Variants in SRCIN1 observed in about 807,000 individuals in gnomAD.
SRCIN1 encodes the protein P130Cas-associated protein.
In SRCIN1, 50 loss-of-function variants were observed where a neutral mutation model predicts 116.2. The observed-to-expected ratio is 0.43, with a 90% CI of 0.34 to 0.54. SRCIN1 has a LOEUF of 0.54. SRCIN1 is among the 20% of genes least tolerant of loss of function. SRCIN1 has a pLI of 0.02. For synonymous variants in SRCIN1, 736 were observed against 750.0 expected (o/e 0.98, Z 0.30); for missense variants, 1,446 against 1,672.0 (o/e 0.86, Z 2.36).
chr17:38,578,457 C>G, intron 2 of SRCIN1, 33 bp downstream of exon 2: 1 of 1,537,060 alleles, frequency 6.5e-7, no homozygotes, highest in African/African-American at 1.4e-5. Flanking sequence ...TGGCCGCGGC[C>G]GCAGCCGCAG....
chr17:38,572,292 T>C lies in SRCIN1; in HGVS notation c.325-4061A>G, dbSNP rs574422165. Among the ~76,000 whole-genome samples the C allele has an allele frequency of 3.8e-4, 55 of 143,572 alleles. No individual in the cohort carries two copies. The highest frequency in any genetic ancestry group is 1.4e-3 in the African/African-American group (55 of 38,598). The allele number at this position is 143,572 out of a possible 152,430, so 94.2% of individuals were successfully genotyped here. On this transcript the variant is annotated intron_variant, in intron 2 of 18. Coordinates refer to ENST00000617146, the MANE Select transcript of SRCIN1 (RefSeq NM_025248.3). This position sits in a 1 kb window ranked among gnomAD's most constrained non-coding sequence, Gnocchi z 4.3. The stretch of plus-strand genomic sequence containing the variant: ...GCGCCTGCCCCCACCGCGATGTACA[T>C]GCATGACCCTCTCTTCCAGATGTGT...
chr17:38,600,189 G>A (rs1908944247), intron 1 of SRCIN1, among the ~76,000 whole-genome samples: 5 of 152,130 alleles, frequency 3.3e-5, no homozygotes. Context: ...TTTTGTTCCT[G>A]TCTTCAGAGA....
rs897485854 is a variant in SRCIN1, at chr17:38,602,861, CT to C, written c.22+2822del. On this transcript the variant is annotated intron_variant, in intron 1 of 18. Transcript: ENST00000617146. This position sits in a 1 kb window ranked among gnomAD's most constrained non-coding sequence, Gnocchi z 4.2. ...AGGATGACAGACGCCATGAACTGTT[CT>C]TCCTTGAGCCCCAAACTCAGCTCCC... Among the ~76,000 whole-genome samples the C allele has an allele frequency of 6.6e-6, 1 of 152,172 alleles. No homozygotes were observed. The highest frequency in any genetic ancestry group is 6.5e-5 in the Admixed American group (1 of 15,282).
chr17:38,580,265 C>T (rs1400914282), intron 1 of SRCIN1, among the ~76,000 whole-genome samples: 1 of 152,080 alleles, frequency 6.6e-6, no homozygotes, highest in Non-Finnish European at 1.5e-5. Context: ...TCAAGAAAAG[C>T]CACCTGCCCC....
intron 1 of SRCIN1, among the ~76,000 whole-genome samples, chr17:38,591,988 G>A (rs1908466796): frequency 6.6e-6 from 1 of 152,210 alleles, no homozygotes; most frequent in African/African-American, 2.4e-5. Context: ...GTGAGAAGTG[G>A]AAAACCACAA....
intron 18 of SRCIN1, among the ~76,000 whole-genome samples, chr17:38,534,446 C>T (rs999864252): frequency 6.6e-6 from 1 of 152,176 alleles, no homozygotes; most frequent in Non-Finnish European, 1.5e-5. Context: ...CAGGTTTCTC[C>T]TTGTAATTGT....
Position 38,559,777 on chromosome 17 carries a change from A to G in SRCIN1, c.1838-5T>C. 1 of 1,502,358 alleles carries G rather than the reference A, an allele frequency of 6.7e-7. No homozygotes were observed. Among genetic ancestry groups the G allele is most frequent in the Non-Finnish European group, 8.8e-7 (1 of 1,133,920 alleles). 93.1% of individuals were successfully genotyped at this position (1,502,358 alleles called of 1,614,324 possible). The stretch of plus-strand genomic sequence containing the variant: ...TCCGGCCGCCTGACCCACAGGCTGC[A>G]GAGGACCACGAGGATGGGAGAAAGT... On this transcript the variant is annotated splice_polypyrimidine_tract_variant and splice_region_variant and intron_variant, in intron 9 of 18. Transcript: ENST00000617146.
chr17:38,564,359 C>G lies in SRCIN1; in HGVS notation c.346-46G>C, dbSNP rs58304785. 5.9e-3 allele frequency: 8,186 copies of G among 1,380,184 alleles called. 388 individuals carry two copies. The African/African-American group carries it at 0.11, about 19-fold the overall frequency. The allele number at this position is 1,380,184 out of a possible 1,614,324, so 85.5% of individuals were successfully genotyped here. The stretch of plus-strand genomic sequence containing the variant: ...GAGAGGAACCAAGGATGAGCACCCC[C>G]CCTCCCCTTTGCTTGTCACTGCCCA... On this transcript the variant is annotated intron_variant, in intron 3 of 18. Coordinates refer to ENST00000617146, the MANE Select transcript of SRCIN1 (RefSeq NM_025248.3).
intron 18 of SRCIN1, chr17:38,541,400 CCCTT>C (rs1904732680): frequency 6.6e-6 from 1 of 152,144 alleles, no homozygotes; most frequent in Non-Finnish European, 1.5e-5. Flanking sequence ...GGGTGGGCGA[CCCTT>C]CCTGAGGGAG....
chr17:38,603,342 C>A (rs910077190), intron 1 of SRCIN1, among the ~76,000 whole-genome samples: 1 of 151,876 alleles, frequency 6.6e-6, no homozygotes, highest in Non-Finnish European at 1.5e-5. Context: ...CACGAAGACC[C>A]CAGACCCTCC....
At chr17:38,606,821 G>C (rs191339902), upstream of SRCIN1, among the ~76,000 whole-genome samples, 3 of 152,166 alleles carry the variant, frequency 2.0e-5, no homozygotes, top group Non-Finnish European at 4.4e-5. The surrounding 1 kb of genome is among the most constrained non-coding windows in gnomAD (Gnocchi z 5.2). Flanking sequence ...CCAGGCCCGC[G>C]CCGACACCTC....
rs1288285400 is a variant in SRCIN1, at chr17:38,530,816, A to G, written c.*2481T>C. 1 of 152,332 alleles carries G rather than the reference A, an allele frequency of 6.6e-6. No individual in the cohort carries two copies. The highest frequency in any genetic ancestry group is 1.9e-4 in the East Asian group (1 of 5,178). 9.4% of individuals were successfully genotyped at this position (152,332 alleles called of 1,614,324 possible). On this transcript the variant is annotated 3_prime_UTR_variant, in exon 19 of 19. Coordinates refer to ENST00000617146, the MANE Select transcript of SRCIN1 (RefSeq NM_025248.3). ...GCTAACATGCAGGTAGGCACGTGCC[A>G]ATGCCCAAACAGGTTACATGCACCT...
At chr17:38,564,653 G>A (rs1249625988) in intron 3 of SRCIN1, among the ~76,000 whole-genome samples, 1 of 151,254 alleles carries the variant, frequency 6.6e-6, no homozygotes, top group African/African-American at 2.4e-5. Flanking sequence ...GAGGTGAGCA[G>A]CAGAATCGTT....
In SRCIN1 at chr17:38,562,581, AG is replaced by A. The variant is rs888751617; in HGVS notation, c.834+245del. On this transcript the variant is annotated intron_variant, in intron 6 of 18. Transcript: ENST00000617146. This position sits in a 1 kb window ranked among gnomAD's most constrained non-coding sequence, Gnocchi z 4.2. ...GTGAGGGGTGGGAAGTAGAAGGGGAAGGGGTGGCTCCGGCTCCTGAGAGAGG... is the reference window on the plus strand; with the variant it reads ...GTGAGGGGTGGGAAGTAGAAGGGGAAGGGTGGCTCCGGCTCCTGAGAGAGG... Among the ~76,000 whole-genome samples the A allele has an allele frequency of 2.8e-4, 43 of 152,192 alleles. No homozygotes were observed. The highest frequency in any genetic ancestry group is 1.0e-3 in the African/African-American group (42 of 41,456).
chr17:38,569,584 G>A (rs1281400609), intron 2 of SRCIN1, among the ~76,000 whole-genome samples: 3 of 152,068 alleles, frequency 2.0e-5, no homozygotes, highest in Admixed American at 1.3e-4. Context: ...GCTGGGGCTG[G>A]GACCAAGAGG....
intron 1 of SRCIN1, among the ~76,000 whole-genome samples, chr17:38,595,382 T>C (rs1049005138): frequency 1.3e-5 from 2 of 152,144 alleles, no homozygotes; most frequent in Admixed American, 6.5e-5. Flanking sequence ...CACACCCAGC[T>C]AATTTTTGTA....
intron 1 of SRCIN1, among the ~76,000 whole-genome samples, chr17:38,594,812 G>A (rs1312016368): frequency 1.3e-5 from 2 of 152,130 alleles, no homozygotes; most frequent in African/African-American, 4.8e-5. Context: ...GCTCCAGGCT[G>A]CTGGTCCTGG....
Position 38,604,653 on chromosome 17 carries a change from C to G in SRCIN1, c.22+1031G>C, listed in dbSNP as rs965414116. On this transcript the variant is annotated intron_variant, in intron 1 of 18. Coordinates refer to ENST00000617146, the MANE Select transcript of SRCIN1 (RefSeq NM_025248.3). The surrounding 1 kb of genome is among the most constrained non-coding windows in gnomAD (Gnocchi z 4.3). ...GCACCAGCAGCCGCACACGCCCCGC[C>G]GGGCCCTGACAGCTGAGCTGCGGAG... is the stretch of plus-strand genomic sequence containing the variant. The G allele has an allele frequency of 8.7e-5, 35 of 401,472 alleles. No individual in the cohort carries two copies. Among genetic ancestry groups the G allele is most frequent in the Non-Finnish European group, 1.5e-4 (30 of 201,032 alleles). 24.9% of individuals were successfully genotyped at this position (401,472 alleles called of 1,614,324 possible).
chr17:38,551,673 T>C (rs778696711), intron 14 of SRCIN1: 2 of 746,050 alleles, frequency 2.7e-6, no homozygotes, highest in Non-Finnish European at 4.3e-6. Context: ...GCAAACATCA[T>C]ACTGCTTTGA....
Sources: gnomAD v4.1 joint callset for allele counts (sites outside exome capture counted in the v4.1 genomes callset) on GRCh38, gnomAD v4.1.1 for gene constraint, Gnocchi (gnomAD v3.1) non-coding constraint, MANE v1.5 for transcripts, NCBI Gene and HGNC (gene_info 2026-07-23, HGNC 2026-07-21) for gene names.